The following SGCZ variants were observed in gnomAD, a reference collection of about 807,000 sequenced individuals.
SGCZ encodes sarcoglycan zeta.
In SGCZ, 40 loss-of-function variants were observed where a neutral mutation model predicts 41.3. That is an observed-to-expected ratio of 0.97 (90% CI 0.75 to 1.26). The LOEUF (loss-of-function observed/expected upper bound fraction) is 1.26. SGCZ is among the 50% of genes most tolerant of loss of function. SGCZ has a pLI of 0.00. For missense variants in SGCZ, 552 were observed against 369.8 expected (o/e 1.49, Z -4.04); for synonymous variants, 206 against 137.5 (o/e 1.50, Z -3.49).
intron 5 of SGCZ, among the ~76,000 whole-genome samples, chr8:14,138,677 C>A (rs1010884221): frequency 1.6e-4 from 24 of 152,144 alleles, no homozygotes; most frequent in African/African-American, 5.8e-4. Flanking sequence ...ACAGGAGCAC[C>A]CAGATTCATA....
intron 1 of SGCZ, among the ~76,000 whole-genome samples, chr8:15,140,739 G>C (rs1808289533): frequency 6.6e-6 from 1 of 152,022 alleles, no homozygotes; most frequent in Non-Finnish European, 1.5e-5. Context: ...TTTTAGTTCA[G>C]ATTATACTTT....
chr8:15,061,836 G>A (rs1034642196), intron 1 of SGCZ, among the ~76,000 whole-genome samples: 4 of 152,078 alleles, frequency 2.6e-5, no homozygotes, highest in Non-Finnish European at 5.9e-5. Context: ...AGCACAATCA[G>A]ACTAAGACAC....
chr8:14,803,457 A>G (rs983714189), intron 1 of SGCZ, among the ~76,000 whole-genome samples: 1 of 152,096 alleles, frequency 6.6e-6, no homozygotes, highest in African/African-American at 2.4e-5. Flanking sequence ...TAGTCAAAGA[A>G]AGGGGTGACA....
At chr8:14,885,543 C>A (rs1027858452) in intron 1 of SGCZ, among the ~76,000 whole-genome samples, 2 of 152,080 alleles carry the variant, frequency 1.3e-5, no homozygotes, top group African/African-American at 4.8e-5. Context: ...CTGACACTTG[C>A]TTGAACTTCT....
At chr8:14,595,810 T>C (rs1386505615) in intron 1 of SGCZ, among the ~76,000 whole-genome samples, 1 of 152,226 alleles carries the variant, frequency 6.6e-6, no homozygotes, top group Non-Finnish European at 1.5e-5. Context: ...GAAAATTTAA[T>C]TGTTCTGACA....
chr8:15,152,830 G>A (rs190493712), intron 1 of SGCZ, among the ~76,000 whole-genome samples: 2 of 152,226 alleles, frequency 1.3e-5, no homozygotes, highest in Non-Finnish European at 2.9e-5. Flanking sequence ...ACCTATATCA[G>A]ATAAACTGAC....
chr8:14,892,624 G>T (rs1446410664), intron 1 of SGCZ, among the ~76,000 whole-genome samples: 1 of 151,954 alleles, frequency 6.6e-6, no homozygotes, highest in Non-Finnish European at 1.5e-5. Flanking sequence ...CATGTTGATA[G>T]AACAATAAAT....
chr8:14,349,812 C>T (rs1559900), intron 2 of SGCZ, among the ~76,000 whole-genome samples: 51,619 of 151,870 alleles, frequency 0.34, 9,895 homozygotes, highest in African/African-American at 0.53. Context: ...TCTGGAATAA[C>T]AGTCCAAGTA....
At chr8:14,382,406 A>T (rs1316145268) in intron 2 of SGCZ, among the ~76,000 whole-genome samples, 4 of 151,646 alleles carry the variant, frequency 2.6e-5, no homozygotes, top group Admixed American at 2.0e-4. Context: ...GATGGTCACT[A>T]ACAAAAAAAT....
At chr8:14,910,228 G>C (rs370828957) in intron 1 of SGCZ, among the ~76,000 whole-genome samples, 1 of 151,950 alleles carries the variant, frequency 6.6e-6, no homozygotes, top group Admixed American at 6.6e-5. Context: ...AATTTGATAA[G>C]GATAATTCCC....
At chr8:14,224,413 T>C (rs1806302243) in intron 4 of SGCZ, among the ~76,000 whole-genome samples, 1 of 152,202 alleles carries the variant, frequency 6.6e-6, no homozygotes, top group Non-Finnish European at 1.5e-5. Flanking sequence ...GGAATATCTC[T>C]AGCTCTGAAG....
chr8:14,578,148 A>G (rs1585095494), intron 1 of SGCZ, among the ~76,000 whole-genome samples: 1 of 152,212 alleles, frequency 6.6e-6, no homozygotes, highest in Admixed American at 6.5e-5. Context: ...CATGTTGGGA[A>G]TACACATGAA....
At chr8:15,097,679 T>C (rs75879240) in intron 1 of SGCZ, among the ~76,000 whole-genome samples, 2,206 of 150,632 alleles carry the variant, frequency 0.015, 62 homozygotes, top group East Asian at 0.12. Context: ...CCCAGGAGTT[T>C]GATTACACCA....
In SGCZ at chr8:14,889,700, T is replaced by C. The variant is rs531459476; in HGVS notation, c.40-334774A>G. On this transcript the variant is annotated intron_variant, in intron 1 of 7. Transcript: ENST00000382080. ...TTATGTATTTGAACATATTAACATA[T>C]ACTATTAATGTAGTTATTTTAAATA... is the stretch of plus-strand genomic sequence containing the variant. Among the ~76,000 whole-genome samples the C allele has an allele frequency of 5.4e-4, 82 of 152,234 alleles. No homozygotes were observed. The Middle Eastern group carries it at 0.034, about 63-fold the overall frequency.
At chr8:15,192,504 G>A (rs1023634312) in intron 1 of SGCZ, among the ~76,000 whole-genome samples, 1 of 152,122 alleles carries the variant, frequency 6.6e-6, no homozygotes, top group Non-Finnish European at 1.5e-5. Context: ...CTGAGCATCA[G>A]TTGAAAATAC....
rs901975935 is a variant in SGCZ at position 14,605,081 on chromosome 8, TG to T, written c.40-50156del. ...TTTGTTTCTAACTAATCTCTTAATT[TG>T]GGGCTACATCCTGGCTCCCGTTAAT... On this transcript the variant is annotated intron_variant, in intron 1 of 7. Coordinates refer to ENST00000382080, the MANE Select transcript of SGCZ (RefSeq NM_139167.4). 1.9e-4 allele frequency among the ~76,000 whole-genome samples: 29 copies of T among 152,288 alleles called. 1 individual carries two copies. Among genetic ancestry groups the T allele is most frequent in the African/African-American group, 6.5e-4 (27 of 41,556 alleles).
chr8:14,758,602 G>T (rs2130345461), intron 1 of SGCZ, among the ~76,000 whole-genome samples: 2 of 152,316 alleles, frequency 1.3e-5, no homozygotes, highest in Admixed American at 1.3e-4. Context: ...TGCTGTCGGT[G>T]TTAAGTTTTG....
At chr8:14,349,764 A>G (rs1411323554) in intron 2 of SGCZ, among the ~76,000 whole-genome samples, 3 of 152,162 alleles carry the variant, frequency 2.0e-5, no homozygotes, top group Non-Finnish European at 4.4e-5. Flanking sequence ...AGTAGCTTAT[A>G]GTACCTTAAT....
At chr8:14,470,862 G>C (rs1451948141) in intron 2 of SGCZ, among the ~76,000 whole-genome samples, 1 of 152,112 alleles carries the variant, frequency 6.6e-6, no homozygotes, top group Admixed American at 6.6e-5. Flanking sequence ...AGTTCTTTGT[G>C]TATTTAGACA....
Sources: allele counts gnomAD v4.1 joint callset (sites outside exome capture counted in the v4.1 genomes callset), GRCh38; gene constraint gnomAD v4.1.1; transcripts MANE v1.5; gene names NCBI Gene and HGNC (gene_info 2026-07-23, HGNC 2026-07-21).